The following CFHR4 variants were observed in gnomAD, a reference collection of about 807,000 sequenced individuals.
CFHR4 encodes the protein complement factor H related 4, also known as complement factor H-related protein 4.
A neutral mutation model predicts 69.3 loss-of-function variants in CFHR4; 64 were observed. The ratio of observed to expected loss-of-function variants is 0.92; its 90% confidence interval spans 0.76 to 1.14. CFHR4 has a LOEUF of 1.14. CFHR4 is among the 50% of genes most tolerant of loss of function. The pLI is 0.00. For missense variants in CFHR4, 636 were observed against 684.9 expected (o/e 0.93, Z 0.80); for synonymous variants, 244 against 237.0 (o/e 1.03, Z -0.27).
At chr1:196,902,320 A>C in intron 1 of CFHR4, 98 bp from the exon 2 acceptor site, 2 of 872,548 alleles carry the variant, frequency 2.3e-6, no homozygotes, top group Non-Finnish European at 3.5e-6. Flanking sequence ...AATTCATTAC[A>C]CTAAGAAGAG....
intron 7 of CFHR4, 43 bp from the exon 8 acceptor site, chr1:196,914,452 C>T (rs1372175577): frequency 1.3e-6 from 2 of 1,572,012 alleles, no homozygotes; most frequent in Non-Finnish European, 1.7e-6. Context: ...AGTTGTGCAT[C>T]GTATGGCATA....
At chr1:196,901,500 T>C (rs1013252805) in intron 1 of CFHR4, among the ~76,000 whole-genome samples, 1 of 151,190 alleles carries the variant, frequency 6.6e-6, no homozygotes, top group Non-Finnish European at 1.5e-5. Context: ...ATATTGTGCG[T>C]GTGTGTGTGG....
chr1:196,911,023 T>C (rs1194391564), intron 6 of CFHR4, among the ~76,000 whole-genome samples: 5 of 151,414 alleles, frequency 3.3e-5, no homozygotes, highest in Non-Finnish European at 7.4e-5. Flanking sequence ...CTTTCAAATG[T>C]GCAGACCACA....
chr1:196,897,320 G>A lies in CFHR4; in HGVS notation c.59-5098G>A, dbSNP rs115475831. Among the ~76,000 whole-genome samples, 1,037 of 151,520 alleles carry A rather than the reference G, an allele frequency of 6.8e-3. 43 individuals carry two copies. Among genetic ancestry groups the A allele is most frequent in the African/African-American group, 0.024 (994 of 41,106 alleles). ...CCCCACGGCAGCGTCTAGGGTAGGC[G>A]TCTGTGAGTACAGACGCCCAAGTGG... On this transcript the variant is annotated intron_variant, in intron 1 of 9. Transcript: ENST00000608469.
rs149678442 is a variant in CFHR4, at chr1:196,901,771, A to G, written c.59-647A>G. 6.9e-3 allele frequency among the ~76,000 whole-genome samples: 1,042 copies of G among 151,492 alleles called. 45 individuals are homozygous for G. Among genetic ancestry groups the G allele is most frequent in the African/African-American group, 0.024 (999 of 41,122 alleles). ...TACTGTAAAAAATATTGTATATAAAACATTAAAAACATCTTATTTTCTAAT... is the reference window on the plus strand; with the variant it reads ...TACTGTAAAAAATATTGTATATAAAGCATTAAAAACATCTTATTTTCTAAT... On this transcript the variant is annotated intron_variant, in intron 1 of 9. Transcript: ENST00000608469.
At chr1:196,897,573 C>G (rs1657369146) in intron 1 of CFHR4, among the ~76,000 whole-genome samples, 1 of 151,172 alleles carries the variant, frequency 6.6e-6, no homozygotes, top group South Asian at 2.1e-4. Flanking sequence ...ATAGGGAGCC[C>G]GAAGTGGGGG....
intron 4 of CFHR4, 52 bp from the exon 5 acceptor site, chr1:196,907,264 A>G (rs1657962827): frequency 4.1e-6 from 6 of 1,480,630 alleles, no homozygotes; most frequent in Non-Finnish European, 5.6e-6. Flanking sequence ...TTATTCAGAA[A>G]GTTTCCAATA....
intron 1 of CFHR4, among the ~76,000 whole-genome samples, chr1:196,900,942 A>T (rs1315474587): frequency 6.6e-6 from 1 of 151,654 alleles, no homozygotes; most frequent in Middle Eastern, 3.4e-3. Flanking sequence ...TGTTAAAGAC[A>T]TTTACAACAT....
intron 5 of CFHR4, among the ~76,000 whole-genome samples, chr1:196,909,478 T>A (rs1217396990): frequency 2.0e-5 from 3 of 151,626 alleles, no homozygotes; most frequent in Non-Finnish European, 2.9e-5. Flanking sequence ...TATTTTTGAA[T>A]TGTAAACAGC....
At chr1:196,903,687 A>G (rs1571429850) in intron 2 of CFHR4, among the ~76,000 whole-genome samples, 1 of 150,558 alleles carries the variant, frequency 6.6e-6, no homozygotes, top group Non-Finnish European at 1.5e-5. Flanking sequence ...ATATATATGT[A>G]TATATATACA....
chr1:196,914,427 G>T (rs1453338323), intron 7 of CFHR4, 68 bp from the exon 8 acceptor site: 1 of 1,497,608 alleles, frequency 6.7e-7, no homozygotes, highest in African/African-American at 1.4e-5. Context: ...CCCTACAATG[G>T]GACTTTCTTA....
At chr1:196,903,615 T>G (rs1334939215) in intron 2 of CFHR4, among the ~76,000 whole-genome samples, 1 of 150,604 alleles carries the variant, frequency 6.6e-6, no homozygotes, top group Non-Finnish European at 1.5e-5. Flanking sequence ...ATTAGACCAC[T>G]GCACTCCAGA....
intron 1 of CFHR4, among the ~76,000 whole-genome samples, chr1:196,893,246 C>G (rs1029510038): frequency 2.0e-5 from 3 of 151,728 alleles, no homozygotes; most frequent in Non-Finnish European, 4.4e-5. Context: ...GTTATAATGA[C>G]TGTCTTGAGA....
chr1:196,909,900 C>T (rs1255380443), intron 5 of CFHR4, among the ~76,000 whole-genome samples: 3 of 150,762 alleles, frequency 2.0e-5, no homozygotes, highest in African/African-American at 7.4e-5. Context: ...ACCTGTAATC[C>T]CAGGACTTTG....
rs772680118 is a variant in CFHR4, at chr1:196,910,471, A to ATGCC, written c.992_995dup (p.Arg333ProfsTer12). 8 of 1,611,164 alleles carry ATGCC rather than the reference A, an allele frequency of 5.0e-6. No homozygotes were observed. The highest frequency in any genetic ancestry group is 6.8e-6 in the Non-Finnish European group (8 of 1,178,420). Reference sequence around the variant, plus strand: ...AAGATGGGTGGTTGCCAACAGTCCCATGCCTCAGTAAGCAAACCTCTTTAC... The same window carrying ATGCC: ...AAGATGGGTGGTTGCCAACAGTCCCATGCCTGCCTCAGTAAGCAAACCTCTTTAC... On this transcript the variant is annotated frameshift_variant, in exon 6 of 10. Transcript: ENST00000608469. LOFTEE classifies it high-confidence loss of function.
intron 5 of CFHR4, among the ~76,000 whole-genome samples, chr1:196,907,895 C>A (rs1034771637): frequency 6.6e-6 from 1 of 151,138 alleles, no homozygotes; most frequent in Admixed American, 6.6e-5. Flanking sequence ...GGATGTGGAA[C>A]CAACCCAAAT....
chr1:196,913,105 G>A (rs1050787817), intron 7 of CFHR4, among the ~76,000 whole-genome samples, 183 bp downstream of exon 7: 1 of 151,418 alleles, frequency 6.6e-6, no homozygotes, highest in Non-Finnish European at 1.5e-5. Context: ...TGGCTACTTG[G>A]GAAGATGATC....
At chr1:196,893,025 A>G (rs1050510760) in intron 1 of CFHR4, among the ~76,000 whole-genome samples, 3 of 151,570 alleles carry the variant, frequency 2.0e-5, no homozygotes, top group African/African-American at 7.3e-5. Flanking sequence ...TAGGCTTCAT[A>G]AGGAAATGGT....
At chr1:196,914,375 T>C (rs1201846600) in intron 7 of CFHR4, 120 bp from the exon 8 acceptor site, 3 of 946,574 alleles carry the variant, frequency 3.2e-6, no homozygotes, top group South Asian at 2.4e-5. Context: ...CTATTTTTAA[T>C]AGTACTCAAT....
Sources: allele counts gnomAD v4.1 joint callset (sites outside exome capture counted in the v4.1 genomes callset), GRCh38; gene constraint gnomAD v4.1.1; transcripts MANE v1.5; gene names NCBI Gene and HGNC (gene_info 2026-07-23, HGNC 2026-07-21).